CDC42BPA: variants seen among roughly 807,000 people sequenced by gnomAD.
The protein encoded by CDC42BPA is CDC42 binding protein kinase alpha.
Under a neutral mutation model 223.5 loss-of-function variants are expected in CDC42BPA, and 80 were observed. The observed-to-expected ratio is 0.36, with a 90% confidence interval of 0.30 to 0.43. CDC42BPA has a LOEUF of 0.43. CDC42BPA is among the 20% of genes least tolerant of loss of function. The pLI is 1.00. For missense variants in CDC42BPA, 1,743 were observed against 2,099.9 expected (o/e 0.83, Z 3.32); for synonymous variants, 694 against 718.6 (o/e 0.97, Z 0.55).
chr1:227,111,758 C>T (rs1450023036), intron 14 of CDC42BPA, among the ~76,000 whole-genome samples: 1 of 152,198 alleles, frequency 6.6e-6, no homozygotes, highest in Non-Finnish European at 1.5e-5. Flanking sequence ...GTTGGGATTA[C>T]AGGCGTGAGC....
intron 20 of CDC42BPA, among the ~76,000 whole-genome samples, chr1:227,070,391 G>T (rs1678032679): frequency 6.8e-6 from 1 of 148,134 alleles, no homozygotes; most frequent in Admixed American, 6.9e-5. Context: ...TTTCTCAGAT[G>T]AATTTTTAAA....
At chr1:227,166,024 C>T (rs527911119) in intron 5 of CDC42BPA, among the ~76,000 whole-genome samples, 32 of 152,118 alleles carry the variant, frequency 2.1e-4, no homozygotes, top group South Asian at 1.0e-3. Context: ...ATCTGCAGTC[C>T]GCAATATATT....
intron 32 of CDC42BPA, among the ~76,000 whole-genome samples, chr1:227,022,402 T>C (rs1012945570): frequency 6.6e-6 from 1 of 151,334 alleles, no homozygotes; most frequent in African/African-American, 2.4e-5. Flanking sequence ...CACTGCACTA[T>C]AGCCTGGGCA....
intron 21 of CDC42BPA, among the ~76,000 whole-genome samples, chr1:227,063,065 G>A (rs560128125): frequency 6.6e-6 from 1 of 152,192 alleles, no homozygotes; most frequent in East Asian, 1.9e-4. Context: ...TCTTACCAAA[G>A]TGTTTACTTA....
chr1:227,280,649 T>C (rs1446530343), intron 1 of CDC42BPA, among the ~76,000 whole-genome samples: 2 of 152,236 alleles, frequency 1.3e-5, no homozygotes. Flanking sequence ...TTACACTAAA[T>C]TATCTCCTGA....
At chr1:227,043,323 G>C (rs1173103752) in intron 23 of CDC42BPA, among the ~76,000 whole-genome samples, 2 of 149,212 alleles carry the variant, frequency 1.3e-5, no homozygotes, top group Non-Finnish European at 3.0e-5. Context: ...TGAGGCAGGA[G>C]AACTGCTTAA....
At chr1:227,011,208 G>T in intron 34 of CDC42BPA, 1 of 220,504 alleles carries the variant, frequency 4.5e-6, no homozygotes, top group Non-Finnish European at 8.6e-6. Flanking sequence ...GTCTTAGAAA[G>T]TTAAATTTTG....
intron 24 of CDC42BPA, among the ~76,000 whole-genome samples, chr1:227,036,821 T>C (rs1670372840): frequency 6.6e-6 from 1 of 152,176 alleles, no homozygotes; most frequent in Non-Finnish European, 1.5e-5. Flanking sequence ...AAGTATCCTA[T>C]ACTGGATCTA....
intron 20 of CDC42BPA, 117 bp downstream of exon 20, chr1:227,072,091 C>T (rs1187624128): frequency 2.0e-5 from 12 of 589,312 alleles, no homozygotes; most frequent in Non-Finnish European, 9.0e-6. Context: ...TAAATGAGTG[C>T]CAGAATTGCT....
chr1:227,276,277 G>A (rs544210076), intron 1 of CDC42BPA, among the ~76,000 whole-genome samples: 197 of 149,198 alleles, frequency 1.3e-3, no homozygotes, highest in African/African-American at 4.2e-3. Context: ...TCTGAGGAGC[G>A]TCTCTGCCCG....
intron 14 of CDC42BPA, among the ~76,000 whole-genome samples, chr1:227,108,447 C>CATTGTG (rs1163339084): frequency 6.6e-6 from 1 of 151,584 alleles, no homozygotes; most frequent in Admixed American, 6.6e-5. Flanking sequence ...AGCTCCATTC[C>CATTGTG]ATTGTGGTTG....
chr1:227,011,075 A>C (rs1665094957), intron 34 of CDC42BPA: 1 of 1,306,534 alleles, frequency 7.7e-7, no homozygotes, highest in Non-Finnish European at 1.0e-6. Context: ...TATCAAAAAC[A>C]AAAGAAAGAT....
intron 20 of CDC42BPA, among the ~76,000 whole-genome samples, chr1:227,070,122 C>A (rs912410599): frequency 6.6e-6 from 1 of 151,742 alleles, no homozygotes; most frequent in Non-Finnish European, 1.5e-5. Flanking sequence ...TAATAAAAAA[C>A]CACATTAAAT....
chr1:227,008,626 T>C (rs1572212745), intron 34 of CDC42BPA, among the ~76,000 whole-genome samples: 1 of 152,026 alleles, frequency 6.6e-6, no homozygotes, highest in East Asian at 1.9e-4. Context: ...CTGAAATGCC[T>C]GAGAAAAGGT....
chr1:227,286,252 T>C (rs1415010404), intron 1 of CDC42BPA, among the ~76,000 whole-genome samples: 4 of 152,228 alleles, frequency 2.6e-5, no homozygotes, highest in Non-Finnish European at 5.9e-5. Context: ...GCTCCCATAT[T>C]TGATCACAGG....
At chr1:227,220,290 A>ATATATG (rs1675614158) in intron 2 of CDC42BPA, among the ~76,000 whole-genome samples, 1 of 90,798 alleles carries the variant, frequency 1.1e-5, no homozygotes, top group Admixed American at 1.2e-4. Flanking sequence ...TGTTATATAT[A>ATATATG]TATATATATA....
At chr1:227,220,285 TATATATATATA>T (rs1675607855) in intron 2 of CDC42BPA, among the ~76,000 whole-genome samples, 6 of 57,590 alleles carry the variant, frequency 1.0e-4, no homozygotes, top group Admixed American at 3.6e-4. Flanking sequence ...AGTCATGTTA[TATATATATATA>T]TATATATATA....
At chr1:227,203,554 A>G (rs984659749) in intron 3 of CDC42BPA, among the ~76,000 whole-genome samples, 1 of 152,132 alleles carries the variant, frequency 6.6e-6, no homozygotes, top group Non-Finnish European at 1.5e-5. Context: ...CTACTTCATT[A>G]CCTTTTTTAA....
chr1:227,158,605 ACT>A (rs1314959354), intron 6 of CDC42BPA, among the ~76,000 whole-genome samples: 4 of 152,108 alleles, frequency 2.6e-5, no homozygotes, highest in African/African-American at 9.7e-5. Flanking sequence ...AGACTTCCAA[ACT>A]CTATGGATCT....
Sources: allele counts gnomAD v4.1 joint callset (sites outside exome capture counted in the v4.1 genomes callset), GRCh38; gene constraint gnomAD v4.1.1; transcripts MANE v1.5; gene names NCBI Gene and HGNC (gene_info 2026-07-23, HGNC 2026-07-21).